The following MED23 variants were observed in gnomAD, a reference collection of about 807,000 sequenced individuals.
MED23 encodes the protein mediator complex subunit 23, also known as mediator of RNA polymerase II transcription subunit 23.
In MED23, 105 loss-of-function variants were observed where a neutral mutation model predicts 163.9. That is an observed-to-expected ratio of 0.64 (90% confidence interval 0.55 to 0.75). The LOEUF is 0.75. Ranked by LOEUF, MED23 falls within the 30% of genes least tolerant of loss-of-function variation. The probability of loss-of-function intolerance (pLI) is 0.00; values close to 1 mark genes in which losing one functional copy is unlikely to be tolerated. For missense variants in MED23, 1,054 were observed against 1,649.0 expected, an observed-to-expected ratio of 0.64 and a Z score of 6.25; for synonymous variants, 561 against 565.6, an observed-to-expected ratio of 0.99 and a Z score of 0.12.
intron 30 of MED23, among the ~76,000 whole-genome samples, chr6:131,580,115 G>A (rs1006672424): frequency 6.6e-6 from 1 of 152,054 alleles, no homozygotes; most frequent in Non-Finnish European, 1.5e-5. Context: ...TTACTCCCAA[G>A]GCCTAGGATA....
chr6:131,628,012 A>T lies in MED23; in HGVS notation c.38T>A (p.Val13Glu). The change falls in exon 1 of 29, where the codon GTG becomes GAG. Residue 13 changes from valine to glutamate, a missense_variant and splice_region_variant. Physicochemically the swap from Val to Glu is moderately radical, Grantham distance 121. Around this residue, in one of 11 missense-constraint regions of MED23, gnomAD observed 227 missense variants for 235.5 expected, o/e 0.96. Coordinates refer to ENST00000368068, the MANE Select transcript of MED23 (RefSeq NM_004830.4). ...TGGATGGCCGGCAGCTGCACTCACC[A>T]CCACCTCTTCGAAAATGCTCTGCAG... ...TQLQSIFEEV[V>E]KTEVIEEAFP... 1 of 1,613,824 alleles carries T rather than the reference A, an allele frequency of 6.2e-7. No homozygotes were observed. The highest frequency in any genetic ancestry group is 1.1e-5 in the South Asian group (1 of 91,074).
chr6:131,628,130 G>A lies in MED23; in HGVS notation c.-81C>T, dbSNP rs1562413550. On this transcript the variant is annotated 5_prime_UTR_variant, in exon 1 of 29. Coordinates refer to ENST00000368068, the MANE Select transcript of MED23 (RefSeq NM_004830.4). The stretch of plus-strand genomic sequence containing the variant: ...AGCTCTGGGAATATAGGGGCAGAGG[G>A]GCGGAGACCTCTGGAGGAAACCGTA... 1.3e-6 allele frequency: 2 copies of A among 1,504,684 alleles called. No individual in the cohort carries two copies. The highest frequency in any genetic ancestry group is 9.2e-7 in the Non-Finnish European group (1 of 1,084,238). 93.2% of individuals were successfully genotyped at this position (1,504,684 alleles called of 1,614,324 possible).
At chr6:131,590,714 C>T (rs149024905) in intron 26 of MED23, among the ~76,000 whole-genome samples, 4,296 of 152,072 alleles carry the variant, frequency 0.028, 84 homozygotes, top group Non-Finnish European at 0.04. Flanking sequence ...CTGCAACCTC[C>T]GCCTCCTGGG....
In MED23 at chr6:131,587,438, TAAG is replaced by T; in HGVS notation, c.*238_*240del. ...CCTCTATGTTCCTACATAGCTCTAA[TAAG>T]TTGTTATGAATATGAACAACATGTA... On this transcript the variant is annotated 3_prime_UTR_variant, in exon 29 of 29. Coordinates refer to ENST00000368068, the MANE Select transcript of MED23 (RefSeq NM_004830.4). 7.4e-7 allele frequency: 1 copy of T among 1,344,044 alleles called. No homozygotes were observed. Among genetic ancestry groups the T allele is most frequent in the Non-Finnish European group, 9.6e-7 (1 of 1,045,114 alleles). The allele number at this position is 1,344,044 out of a possible 1,614,324, so 83.3% of individuals were successfully genotyped here. A position where few individuals can be genotyped will look rare whatever the true frequency, so the allele number is the denominator to read the frequency against.
At chr6:131,574,096 T>C in exon 31 of MED23, 1 of 691,280 alleles carries the variant, frequency 1.4e-6, no homozygotes, top group Non-Finnish European at 2.6e-6. Context: ...CTTATTCTAG[T>C]AAAGAGAGTG....
chr6:131,574,363 T>C (rs1253820377), intron 30 of MED23: 4 of 1,571,102 alleles, frequency 2.5e-6, no homozygotes, highest in Non-Finnish European at 3.5e-6. Flanking sequence ...CAGTAAATAC[T>C]ACTTTGCTTC....
chr6:131,580,786 CTT>C (rs1773880665), intron 30 of MED23, among the ~76,000 whole-genome samples: 2 of 152,122 alleles, frequency 1.3e-5, no homozygotes, highest in Admixed American at 6.6e-5. Context: ...AATTGAAAGA[CTT>C]TGTCATAATT....
intron 22 of MED23, among the ~76,000 whole-genome samples, chr6:131,594,959 C>A (rs1053958931): frequency 6.6e-6 from 1 of 152,148 alleles, no homozygotes; most frequent in Non-Finnish European, 1.5e-5. Context: ...ATACTCCACC[C>A]CATCAAGTAT....
At position 131,605,493 on chromosome 6, in the gene MED23, T is replaced by C; in HGVS notation, c.1368-8A>G. 1 of 1,559,938 alleles carries C rather than the reference T, an allele frequency of 6.4e-7. No individual in the cohort carries two copies. The highest frequency in any genetic ancestry group is 2.3e-5 in the East Asian group (1 of 44,206). ...AGACTCTGCTGCAGGAACCTAAATA[T>C]TCACGTTCCATTAAAAAGAAAAAAT... is the stretch of plus-strand genomic sequence containing the variant. On this transcript the variant is annotated splice_region_variant and splice_polypyrimidine_tract_variant and intron_variant, in intron 13 of 28. Coordinates refer to ENST00000368068, the MANE Select transcript of MED23 (RefSeq NM_004830.4).
intron 30 of MED23, among the ~76,000 whole-genome samples, chr6:131,578,055 A>C (rs906592343): frequency 6.6e-6 from 1 of 152,170 alleles, no homozygotes; most frequent in African/African-American, 2.4e-5. Flanking sequence ...AAAAGAAAGC[A>C]GATCAGCAGT....
chr6:131,583,578 G>A (rs1774050980), downstream of MED23: 1 of 1,567,516 alleles, frequency 6.4e-7, no homozygotes, highest in Middle Eastern at 1.7e-4. Flanking sequence ...CCAAGTCCCA[G>A]CTGACACTTT....
At chr6:131,608,740 G>A in intron 11 of MED23, among the ~76,000 whole-genome samples, 1 of 152,134 alleles carries the variant, frequency 6.6e-6, no homozygotes, top group Non-Finnish European at 1.5e-5. Context: ...ACTAATGGTG[G>A]TTTCTGGGAG....
rs1395103162 is a variant in MED23, at chr6:131,598,961, A to G, written c.2221-200T>C. On this transcript the variant is annotated intron_variant, in intron 18 of 28. Coordinates refer to ENST00000368068, the MANE Select transcript of MED23 (RefSeq NM_004830.4). This position sits in a 1 kb window ranked among gnomAD's most constrained non-coding sequence, Gnocchi z 4.7. ...GATTATCTCCAAGATTCCTTTTCCT[A>G]GATTTCCTAAATGGAAATTCTAAGT... Among the ~76,000 whole-genome samples, 2 of 152,206 alleles carry G rather than the reference A, an allele frequency of 1.3e-5. No homozygotes were observed. The highest frequency in any genetic ancestry group is 2.9e-5 in the Non-Finnish European group (2 of 68,036).
chr6:131,625,816 G>A (rs1213951057), intron 3 of MED23, among the ~76,000 whole-genome samples: 3 of 152,006 alleles, frequency 2.0e-5, no homozygotes, highest in African/African-American at 7.2e-5. Context: ...ACTCTATTGT[G>A]AGGTTATAAG....
chr6:131,589,774 G>T (rs982260508), intron 27 of MED23, among the ~76,000 whole-genome samples, 178 bp from the exon 28 acceptor site: 1 of 152,090 alleles, frequency 6.6e-6, no homozygotes, highest in African/African-American at 2.4e-5. Flanking sequence ...ATTTATAAAA[G>T]AATCTATAGT....
At position 131,598,742 on chromosome 6, in the gene MED23, T is replaced by C. The variant is rs2114633920; in HGVS notation, c.2240A>G (p.Asn747Ser). 1.9e-6 allele frequency: 3 copies of C among 1,614,034 alleles called. No individual in the cohort carries two copies. Among genetic ancestry groups the C allele is most frequent in the East Asian group, 4.5e-5 (2 of 44,856 alleles). Residue 747 changes from asparagine (N) to serine (S), a missense_variant, in exon 19 of 29, where the codon AAT becomes AGT. Coordinates refer to ENST00000368068, the MANE Select transcript of MED23 (RefSeq NM_004830.4). The surrounding 1 kb of genome is among the most constrained non-coding windows in gnomAD (Gnocchi z 4.7). ...GPLQAFFKQN[N>S]VPQESRFNLK... is the part of the protein sequence containing the mutation. ...ATTAAAACGGCTTTCCTGAGGCACA[T>C]TATTTTGTTTGAAGAATGCCTAAAA...
rs557699976 is a variant in MED23 at position 131,595,801 on chromosome 6, C to A, written c.2995+146G>T. 9 of 665,278 alleles carry A rather than the reference C, an allele frequency of 1.4e-5. No homozygotes were observed. The South Asian group carries it at 1.4e-4, about 10-fold the overall frequency. The allele number at this position is 665,278 out of a possible 1,614,324, so 41.2% of individuals were successfully genotyped here. A position where few individuals can be genotyped will look rare whatever the true frequency, so the allele number is the denominator to read the frequency against. On this transcript the variant is annotated intron_variant, in intron 22 of 28. Coordinates refer to ENST00000368068, the MANE Select transcript of MED23 (RefSeq NM_004830.4). ...ATGTTGTATATTTTATACTTCATGG[C>A]ACCATCCATAGTACTTATCCTCAAA...
intron 30 of MED23, chr6:131,581,187 C>A (rs1252150783): frequency 1.9e-6 from 3 of 1,612,128 alleles, no homozygotes; most frequent in Non-Finnish European, 2.5e-6. Flanking sequence ...CACTGCAAAC[C>A]TGATGTTCAC....
chr6:131,586,045 A>AT (rs1223116117), downstream of MED23, among the ~76,000 whole-genome samples: 2 of 152,208 alleles, frequency 1.3e-5, no homozygotes, highest in Non-Finnish European at 2.9e-5. Context: ...CATTGACGCT[A>AT]TGCTAAGATT....
Sources: gnomAD v4.1 joint callset for allele counts (sites outside exome capture counted in the v4.1 genomes callset) on GRCh38, gnomAD v4.1.1 for gene constraint, gnomAD v4.1.1 regional missense constraint, Gnocchi (gnomAD v3.1) non-coding constraint, MANE v1.5 for transcripts, NCBI Gene and HGNC (gene_info 2026-07-23, HGNC 2026-07-21) for gene names.